TNFSF12: variants seen among roughly 807,000 people sequenced by gnomAD.
TNFSF12 encodes the protein TNF superfamily member 12, also known as tumor necrosis factor ligand superfamily member 12.
A neutral mutation model predicts 31.2 loss-of-function variants in TNFSF12; 16 were observed. The ratio of observed to expected loss-of-function variants is 0.51; its 90% confidence interval spans 0.35 to 0.78. The LOEUF (loss-of-function observed/expected upper bound fraction) is 0.78, where lower values mean the gene tolerates loss of function less well. TNFSF12 is among the 30% of genes least tolerant of loss of function. TNFSF12 has a pLI of 0.01. For missense variants in TNFSF12, 324 were observed against 338.8 expected (o/e 0.96, Z 0.34); for synonymous variants, 150 against 151.4 (o/e 0.99, Z 0.07).
intron 5 of TNFSF12, among the ~76,000 whole-genome samples, chr17:7,552,386 G>T (rs2071010279): frequency 6.7e-6 from 1 of 149,094 alleles, no homozygotes; most frequent in African/African-American, 2.5e-5. Flanking sequence ...GGAGTGCAGT[G>T]GTTCGATCTT....
intron 5 of TNFSF12, 60 bp from the exon 6 acceptor site, chr17:7,556,718 G>A (rs1019955958): frequency 2.4e-4 from 343 of 1,415,596 alleles, no homozygotes; most frequent in Admixed American, 3.5e-4. Context: ...ATGGATCCCT[G>A]GGGAGTGTGG....
chr17:7,555,973 G>GTTTTTTTTTTTTTTT (rs59248137), intron 5 of TNFSF12, among the ~76,000 whole-genome samples: 1,778 of 70,642 alleles, frequency 0.025, 376 homozygotes, highest in Admixed American at 0.032. Flanking sequence ...CCCAGTGAGC[G>GTTTTTTTTTTTTTTT]TTTTTTTTGT....
chr17:7,551,010 C>T (rs1472869193), intron 5 of TNFSF12, 32 bp downstream of exon 5: 1 of 1,612,734 alleles, frequency 6.2e-7, no homozygotes, highest in Non-Finnish European at 8.5e-7. Flanking sequence ...CAGCACTGGC[C>T]TCCTGGGAAA....
At chr17:7,555,179 A>C in intron 5 of TNFSF12, among the ~76,000 whole-genome samples, 1 of 152,038 alleles carries the variant, frequency 6.6e-6, no homozygotes, top group Admixed American at 6.5e-5. Context: ...GTGGAATATG[A>C]CAAGAACAAT....
chr17:7,549,538 G>A lies in TNFSF12; in HGVS notation c.207+17G>A, dbSNP rs534969361. 4.5e-6 allele frequency: 7 copies of A among 1,541,476 alleles called. No homozygotes were observed. Among genetic ancestry groups the A allele is most frequent in the Middle Eastern group, 3.4e-4 (2 of 5,858 alleles). ...GACCCGTCGGTGAGTGGGCGTGGGC[G>A]CGGTCTGCAGGCTGCTGGGGCATGG... On this transcript the variant is annotated intron_variant, in intron 2 of 6. Transcript: ENST00000293825. This position sits in a 1 kb window ranked among gnomAD's most constrained non-coding sequence, Gnocchi z 4.1.
chr17:7,553,023 C>CTTTTTTT lies in TNFSF12; in HGVS notation c.373+2078_373+2084dup, dbSNP rs71159509. Among the ~76,000 whole-genome samples, 26 of 66,098 alleles carry CTTTTTTT rather than the reference C, an allele frequency of 3.9e-4. 2 individuals carry two copies. The highest frequency in any genetic ancestry group is 1.4e-3 in the African/African-American group (19 of 13,844). 43.4% of individuals were successfully genotyped at this position (66,098 alleles called of 152,430 possible). ...ATAAGGAACTGGAGGCAGGGACAACCTTTTTTTTTTTTTTTTTTTTTTTTT... is the reference window on the plus strand; with the variant it reads ...ATAAGGAACTGGAGGCAGGGACAACCTTTTTTTTTTTTTTTTTTTTTTTTTTTTTTTT... On this transcript the variant is annotated intron_variant, in intron 5 of 6. Coordinates refer to ENST00000293825, the MANE Select transcript of TNFSF12 (RefSeq NM_003809.3).
chr17:7,555,973 G>A (rs1237028120), intron 5 of TNFSF12, among the ~76,000 whole-genome samples: 1 of 70,878 alleles, frequency 1.4e-5, no homozygotes, highest in Non-Finnish European at 2.6e-5. Flanking sequence ...CCCAGTGAGC[G>A]TTTTTTTTGT....
intron 5 of TNFSF12, among the ~76,000 whole-genome samples, chr17:7,554,563 A>G (rs1162517631): frequency 1.7e-5 from 2 of 117,334 alleles, no homozygotes; most frequent in East Asian, 5.2e-4. Flanking sequence ...GATCCACCCA[A>G]CTCGGCCTCC....
chr17:7,553,975 GGGAATGTAAGATTGCCAGGCAGGAC>G, intron 5 of TNFSF12: 2 of 836,570 alleles, frequency 2.4e-6, no homozygotes, highest in Non-Finnish European at 3.0e-6. Flanking sequence ...AGCTTCGTGG[GGGAATGTAAGATTGCCAGGCAGGAC>G]GGAATGTCCA....
Position 7,557,253 on chromosome 17 carries a change from T to A in TNFSF12, c.653T>A (p.Leu218Gln). 1.2e-6 allele frequency: 2 copies of A among 1,613,812 alleles called. No individual in the cohort carries two copies. The change falls in exon 7 of 7, where the codon CTG becomes CAG. Residue 218 changes from leucine (L) to glutamine (Q), a missense_variant. Leu to Gln is a moderately radical substitution (Grantham distance 113, BLOSUM62 -2). Transcript: ENST00000293825. This position sits in a 1 kb window ranked among gnomAD's most constrained non-coding sequence, Gnocchi z 5.2. ...TGCCAGGTGTCTGGGCTGTTGGCCCTGCGGCCAGGGTCCTCCCTGCGGATC... is the reference window on the plus strand; with the variant it reads ...TGCCAGGTGTCTGGGCTGTTGGCCCAGCGGCCAGGGTCCTCCCTGCGGATC... ...RLCQVSGLLA[L>Q]RPGSSLRIRT...
At position 7,550,866 on chromosome 17, in the gene TNFSF12, G is replaced by T; in HGVS notation, c.337+14G>T. 6.2e-7 allele frequency: 1 copy of T among 1,613,650 alleles called. No homozygotes were observed. Among genetic ancestry groups the T allele is most frequent in the Non-Finnish European group, 8.5e-7 (1 of 1,179,618 alleles). On this transcript the variant is annotated intron_variant, in intron 4 of 6. Coordinates refer to ENST00000293825, the MANE Select transcript of TNFSF12 (RefSeq NM_003809.3). The surrounding 1 kb of genome is among the most constrained non-coding windows in gnomAD (Gnocchi z 4.4). ...CCCATTATGAAGGTGGGTGATGGGT[G>T]AGCCATACCCAGGAGGAGAGGGGCA...
Position 7,553,023 on chromosome 17 carries a change from C to CTTTTTTTTTTTT in TNFSF12, c.373+2073_373+2084dup, listed in dbSNP as rs71159509. Reference sequence around the variant, plus strand: ...ATAAGGAACTGGAGGCAGGGACAACCTTTTTTTTTTTTTTTTTTTTTTTTT... The same window carrying CTTTTTTTTTTTT: ...ATAAGGAACTGGAGGCAGGGACAACCTTTTTTTTTTTTTTTTTTTTTTTTTTTTTTTTTTTTT... On this transcript the variant is annotated intron_variant, in intron 5 of 6. Transcript: ENST00000293825. 1.7e-4 allele frequency among the ~76,000 whole-genome samples: 11 copies of CTTTTTTTTTTTT among 66,098 alleles called. 1 individual carries two copies. The highest frequency in any genetic ancestry group is 4.3e-4 in the African/African-American group (6 of 13,846). 43.4% of individuals were successfully genotyped at this position (66,098 alleles called of 152,430 possible).
In TNFSF12 at chr17:7,549,977, G is replaced by T; in HGVS notation, c.208-143G>T. 1 of 1,324,464 alleles carries T rather than the reference G, an allele frequency of 7.6e-7. No individual in the cohort carries two copies. Among genetic ancestry groups the T allele is most frequent in the Non-Finnish European group, 1.1e-6 (1 of 946,810 alleles). 82.0% of individuals were successfully genotyped at this position (1,324,464 alleles called of 1,614,324 possible). The stretch of plus-strand genomic sequence containing the variant: ...ACTCCCAGCTTCACCTTTGCCCGGG[G>T]CCCCAGCTGTAGTTGGCTGAGGGGC... On this transcript the variant is annotated intron_variant, in intron 2 of 6. Coordinates refer to ENST00000293825, the MANE Select transcript of TNFSF12 (RefSeq NM_003809.3). The surrounding 1 kb of genome is among the most constrained non-coding windows in gnomAD (Gnocchi z 4.1).
chr17:7,552,743 G>T (rs1181278991), intron 5 of TNFSF12, among the ~76,000 whole-genome samples: 2 of 152,156 alleles, frequency 1.3e-5, no homozygotes, highest in South Asian at 2.1e-4. Context: ...GGGAAAACCA[G>T]CAGAGACTGA....
At chr17:7,552,699 C>G (rs2071014142) in intron 5 of TNFSF12, among the ~76,000 whole-genome samples, 1 of 152,076 alleles carries the variant, frequency 6.6e-6, no homozygotes, top group East Asian at 1.9e-4. Context: ...GAATGAAGCC[C>G]TGAGACTCTT....
chr17:7,555,439 G>A (rs1051199778), intron 5 of TNFSF12, among the ~76,000 whole-genome samples: 1 of 152,204 alleles, frequency 6.6e-6, no homozygotes, highest in Non-Finnish European at 1.5e-5. Flanking sequence ...AGTGCTAGAG[G>A]AGCGAGATGG....
chr17:7,549,756 G>T lies in TNFSF12; in HGVS notation c.207+235G>T. The T allele has an allele frequency of 1.5e-6, 1 of 678,440 alleles. No homozygotes were observed. The highest frequency in any genetic ancestry group is 2.4e-6 in the Non-Finnish European group (1 of 418,360). 42.0% of individuals were successfully genotyped at this position (678,440 alleles called of 1,614,324 possible). ...AGTCTGAGGTGTTTATTGGCTGGGGGTGACGTGGTTGTATAAGATATGTGA... is the reference window on the plus strand; with the variant it reads ...AGTCTGAGGTGTTTATTGGCTGGGGTTGACGTGGTTGTATAAGATATGTGA... On this transcript the variant is annotated intron_variant, in intron 2 of 6. Transcript: ENST00000293825. This position sits in a 1 kb window ranked among gnomAD's most constrained non-coding sequence, Gnocchi z 4.1.
In TNFSF12 at chr17:7,549,639, AAC is replaced by A; in HGVS notation, c.207+122_207+123del. The A allele has an allele frequency of 7.2e-7, 1 of 1,382,240 alleles. No homozygotes were observed. The highest frequency in any genetic ancestry group is 9.6e-7 in the Non-Finnish European group (1 of 1,047,004). The allele number at this position is 1,382,240 out of a possible 1,614,324, so 85.6% of individuals were successfully genotyped here. A position where few individuals can be genotyped will look rare whatever the true frequency, so the allele number is the denominator to read the frequency against. On this transcript the variant is annotated intron_variant, in intron 2 of 6. Transcript: ENST00000293825. This position sits in a 1 kb window ranked among gnomAD's most constrained non-coding sequence, Gnocchi z 4.1. ...TCGAGGTGTGTGCAGGGTGTGTGTG[AAC>A]ACAGTGCGTGCATGGGTGCGTGTCT...
In TNFSF12 at chr17:7,550,893, G is replaced by T; in HGVS notation, c.337+41G>T. On this transcript the variant is annotated intron_variant, in intron 4 of 6. Coordinates refer to ENST00000293825, the MANE Select transcript of TNFSF12 (RefSeq NM_003809.3). The surrounding 1 kb of genome is among the most constrained non-coding windows in gnomAD (Gnocchi z 4.4). ...GCCATACCCAGGAGGAGAGGGGCAG[G>T]TGGCAGAGGGTCAGGGCAGGTCTCA... The T allele has an allele frequency of 6.2e-6, 10 of 1,613,952 alleles. 2 individuals carry two copies. In the Middle Eastern group the frequency reaches 1.5e-3, roughly 240 times the overall value.
Sources: allele counts gnomAD v4.1 joint callset (sites outside exome capture counted in the v4.1 genomes callset), GRCh38; gene constraint gnomAD v4.1.1; non-coding constraint Gnocchi (gnomAD v3.1); transcripts MANE v1.5; gene names NCBI Gene and HGNC (gene_info 2026-07-23, HGNC 2026-07-21).